CDH18: variants seen among roughly 807,000 people sequenced by gnomAD.
CDH18 encodes cadherin-18.
A neutral mutation model predicts 67.9 loss-of-function variants in CDH18; 31 were observed. That is an observed-to-expected ratio of 0.46 (90% CI 0.34 to 0.62). The LOEUF (loss-of-function observed/expected upper bound fraction) is 0.62, where lower values mean the gene tolerates loss of function less well. CDH18 is among the 20% of genes least tolerant of loss of function. CDH18 has a pLI of 0.01. For missense variants in CDH18, 890 were observed against 975.5 expected (o/e 0.91, Z 1.17); for synonymous variants, 362 against 347.2 (o/e 1.04, Z -0.48).
intron 2 of CDH18, among the ~76,000 whole-genome samples, chr5:20,216,988 A>C (rs761817795): frequency 1.3e-5 from 2 of 151,830 alleles, no homozygotes; most frequent in African/African-American, 2.4e-5. Context: ...GACATATTTA[A>C]AGTGCTAAAG....
chr5:20,305,431 T>A (rs1561956047), intron 1 of CDH18: 3 of 1,524,474 alleles, frequency 2.0e-6, no homozygotes, highest in Non-Finnish European at 2.7e-6. Context: ...TGTCAGTTCC[T>A]TCTCGGCTTT....
rs1208793552 is a variant in CDH18 at position 20,548,483 on chromosome 5, G to A, written c.-580+26979C>T. Reference sequence around the variant, plus strand: ...TGTGTGTGTATACACACACACAAATGTATTATGTTTAATTTTTTTAAGGCA... The same window carrying A: ...TGTGTGTGTATACACACACACAAATATATTATGTTTAATTTTTTTAAGGCA... On this transcript the variant is annotated intron_variant, in intron 1 of 14. Coordinates refer to the CDH18 transcript ENST00000507958. Among the ~76,000 whole-genome samples, 3 of 150,194 alleles carry A rather than the reference G, an allele frequency of 2.0e-5. No homozygotes were observed. The South Asian group carries it at 6.3e-4, about 32-fold the overall frequency.
intron 1 of CDH18, among the ~76,000 whole-genome samples, chr5:20,434,840 A>T (rs991648678): frequency 6.6e-6 from 1 of 151,942 alleles, no homozygotes; most frequent in African/African-American, 2.4e-5. Context: ...AATAGGAGTA[A>T]AAGTCCCTAT....
intron 1 of CDH18, among the ~76,000 whole-genome samples, chr5:20,389,556 T>C (rs535067894): frequency 6.6e-6 from 1 of 152,096 alleles, no homozygotes; most frequent in South Asian, 2.1e-4. Context: ...AAAATGGCCA[T>C]ACTGCCCAAG....
chr5:19,648,032 G>A (rs1490052910), intron 5 of CDH18, among the ~76,000 whole-genome samples: 3 of 151,682 alleles, frequency 2.0e-5, no homozygotes, highest in Non-Finnish European at 4.4e-5. Context: ...AGGCAGAACT[G>A]TCAAACTTAC....
chr5:20,069,567 C>A (rs1743285509), intron 2 of CDH18, among the ~76,000 whole-genome samples: 1 of 151,990 alleles, frequency 6.6e-6, no homozygotes, highest in African/African-American at 2.4e-5. Context: ...CACCTGCCAC[C>A]ACGCCCAGCT....
intron 12 of CDH18, among the ~76,000 whole-genome samples, chr5:19,480,106 C>T (rs1326633881): frequency 6.6e-6 from 1 of 151,892 alleles, no homozygotes; most frequent in African/African-American, 2.4e-5. Flanking sequence ...TTGAAGATAA[C>T]ATGCTTCACC....
chr5:20,406,864 T>C (rs12697509), intron 1 of CDH18, among the ~76,000 whole-genome samples: 84,762 of 152,000 alleles, frequency 0.56, 24,067 homozygotes, highest in Middle Eastern at 0.63. Context: ...GGCTTTGGCA[T>C]GCTTCGTTAG....
intron 3 of CDH18, among the ~76,000 whole-genome samples, chr5:19,820,895 C>T (rs1301098182): frequency 1.3e-5 from 2 of 152,106 alleles, no homozygotes; most frequent in African/African-American, 4.8e-5. Flanking sequence ...TAATACATAA[C>T]ATTCATCTCA....
At chr5:20,117,690 A>G (rs185781423) in intron 2 of CDH18, among the ~76,000 whole-genome samples, 1 of 152,316 alleles carries the variant, frequency 6.6e-6, no homozygotes, top group East Asian at 1.9e-4. Context: ...ACAGAATTAT[A>G]ATATATGATG....
At chr5:20,516,755 A>C (rs953337605) in intron 1 of CDH18, among the ~76,000 whole-genome samples, 1 of 151,926 alleles carries the variant, frequency 6.6e-6, no homozygotes, top group Non-Finnish European at 1.5e-5. Context: ...TATTTATAAC[A>C]ATTTATACCT....
chr5:19,888,257 G>A (rs1365624463), intron 2 of CDH18, among the ~76,000 whole-genome samples: 1 of 152,034 alleles, frequency 6.6e-6, no homozygotes, highest in Non-Finnish European at 1.5e-5. Context: ...CACACACACC[G>A]ACAGTTTATT....
intron 2 of CDH18, among the ~76,000 whole-genome samples, chr5:20,071,971 T>C (rs1290054990): frequency 6.6e-6 from 1 of 152,102 alleles, no homozygotes; most frequent in Non-Finnish European, 1.5e-5. Context: ...GAGAGTTTTC[T>C]TACAAAATAA....
At chr5:20,525,249 C>T (rs1191508933) in intron 1 of CDH18, among the ~76,000 whole-genome samples, 1 of 152,106 alleles carries the variant, frequency 6.6e-6, no homozygotes, top group African/African-American at 2.4e-5. Flanking sequence ...CTGAGATGCT[C>T]TTTTTGAGAA....
intron 2 of CDH18, among the ~76,000 whole-genome samples, chr5:19,940,271 C>T (rs1454177479): frequency 6.6e-6 from 1 of 151,158 alleles, no homozygotes; most frequent in Non-Finnish European, 1.5e-5. Flanking sequence ...TATTTTCCAC[C>T]AAGTCAATAG....
intron 1 of CDH18, among the ~76,000 whole-genome samples, chr5:20,415,842 G>A (rs1747262127): frequency 6.6e-6 from 1 of 151,928 alleles, no homozygotes; most frequent in South Asian, 2.1e-4. Flanking sequence ...CTGCAACAAT[G>A]TGGAAGAATC....
At chr5:19,928,949 A>G (rs1463179654) in intron 2 of CDH18, among the ~76,000 whole-genome samples, 1 of 150,930 alleles carries the variant, frequency 6.6e-6, no homozygotes, top group Non-Finnish European at 1.5e-5. Flanking sequence ...AGAGACCTAA[A>G]TCATTTTTAT....
At chr5:20,516,909 T>G (rs1372734607) in intron 1 of CDH18, among the ~76,000 whole-genome samples, 1 of 151,930 alleles carries the variant, frequency 6.6e-6, no homozygotes, top group Non-Finnish European at 1.5e-5. Flanking sequence ...CAAGTTCAAG[T>G]GTGATGATTC....
rs72745025 is a variant in CDH18 at position 20,284,673 on chromosome 5, C to T, written c.-579-29168G>A. On this transcript the variant is annotated intron_variant, in intron 1 of 14. Transcript: ENST00000507958. The stretch of plus-strand genomic sequence containing the variant: ...ACACCATGAACAAGCTTGACCTCAT[C>T]CACTAACCAATTTCTCTGAGATCCT... Among the ~76,000 whole-genome samples the T allele has an allele frequency of 7.8e-3, 1,186 of 152,046 alleles. 14 individuals carry two copies. The highest frequency in any genetic ancestry group is 0.027 in the Middle Eastern group (8 of 294).
Sources: gnomAD v4.1 joint callset for allele counts (sites outside exome capture counted in the v4.1 genomes callset) on GRCh38, gnomAD v4.1.1 for gene constraint, MANE v1.5 for transcripts, NCBI Gene and HGNC (gene_info 2026-07-23, HGNC 2026-07-21) for gene names.